Variants in CCDC7 observed in about 807,000 individuals in gnomAD.
CCDC7 encodes the protein coiled-coil domain-containing protein 7.
CCDC7 carries 183 observed loss-of-function variants against 196.9 expected under a neutral mutation model. The ratio of observed to expected loss-of-function variants is 0.93; its 90% confidence interval spans 0.82 to 1.05. CCDC7 has a LOEUF of 1.05. Ranked by LOEUF, CCDC7 falls within the 50% of genes least tolerant of loss-of-function variation. CCDC7 has a pLI of 0.00. For missense variants in CCDC7, 1,540 were observed against 1,482.2 expected (o/e 1.04, Z -0.64); for synonymous variants, 525 against 484.6 (o/e 1.08, Z -1.10).
chr10:32,877,888 T>C (rs10827150), downstream of CCDC7, among the ~76,000 whole-genome samples: 13,828 of 152,112 alleles, frequency 0.091, 736 homozygotes, highest in South Asian at 0.25. Context: ...GAGCTTATTG[T>C]TTGAAGAGGA....
intron 5 of CCDC7, among the ~76,000 whole-genome samples, chr10:32,467,567 G>C (rs2037103976): frequency 6.6e-6 from 1 of 151,884 alleles, no homozygotes; most frequent in African/African-American, 2.4e-5. Context: ...AGTTTTTTTT[G>C]CTGCACAGAA....
At chr10:32,706,213 A>T (rs925221641) in intron 24 of CCDC7, among the ~76,000 whole-genome samples, 1 of 152,150 alleles carries the variant, frequency 6.6e-6, no homozygotes, top group East Asian at 1.9e-4. Flanking sequence ...CTGCTCCTGA[A>T]TGACTACTGG....
chr10:32,580,826 A>G (rs1467884330), intron 16 of CCDC7, among the ~76,000 whole-genome samples: 1 of 151,848 alleles, frequency 6.6e-6, no homozygotes, highest in Non-Finnish European at 1.5e-5. Flanking sequence ...GGAGTTAAGG[A>G]AAGTTCCGGA....
At chr10:32,595,276 G>A (rs1024056973) in intron 18 of CCDC7, among the ~76,000 whole-genome samples, 1 of 152,084 alleles carries the variant, frequency 6.6e-6, no homozygotes, top group Non-Finnish European at 1.5e-5. Context: ...TTTAGTCTTG[G>A]GAGGGTATAT....
chr10:32,763,553 C>T (rs185215578), intron 28 of CCDC7, among the ~76,000 whole-genome samples: 206 of 152,034 alleles, frequency 1.4e-3, no homozygotes, highest in Non-Finnish European at 2.2e-3. Flanking sequence ...TAACAGTACT[C>T]ACAATAACCA....
chr10:32,493,038 A>G (rs574316092), intron 9 of CCDC7, among the ~76,000 whole-genome samples: 3 of 152,150 alleles, frequency 2.0e-5, no homozygotes, highest in South Asian at 4.1e-4. Context: ...AAATCAAGCT[A>G]TGTAACAGAC....
intron 20 of CCDC7, among the ~76,000 whole-genome samples, chr10:32,635,956 C>T (rs1383150182): frequency 1.3e-5 from 2 of 152,040 alleles, no homozygotes; most frequent in Admixed American, 6.5e-5. Flanking sequence ...TTTTACTCTT[C>T]TTTATGCCCT....
intron 11 of CCDC7, among the ~76,000 whole-genome samples, chr10:32,524,683 A>T (rs962005165): frequency 3.3e-5 from 5 of 152,136 alleles, no homozygotes; most frequent in African/African-American, 1.2e-4. Context: ...TTTCCTTCAG[A>T]TCATTAAATA....
At chr10:32,619,962 AC>A (rs2063221916) in intron 18 of CCDC7, among the ~76,000 whole-genome samples, 1 of 118,414 alleles carries the variant, frequency 8.4e-6, no homozygotes, top group Non-Finnish European at 1.6e-5. Context: ...TTGCCCTGTC[AC>A]CCAGACTGGA....
intron 33 of CCDC7, among the ~76,000 whole-genome samples, chr10:32,835,193 G>A (rs2092507487): frequency 6.6e-6 from 1 of 152,060 alleles, no homozygotes; most frequent in Admixed American, 6.6e-5. Flanking sequence ...TCAATGCTGA[G>A]TTCAGGTCCT....
chr10:32,875,110 G>T (rs2094560990), intron 41 of CCDC7, among the ~76,000 whole-genome samples: 1 of 151,854 alleles, frequency 6.6e-6, no homozygotes, highest in South Asian at 2.1e-4. Context: ...TGAAGTATTT[G>T]GCTTTATTTT....
At chr10:32,567,502 A>G (rs1253253326) in intron 14 of CCDC7, among the ~76,000 whole-genome samples, 168 bp from the exon 16 acceptor site, 1 of 152,184 alleles carries the variant, frequency 6.6e-6, no homozygotes, top group Non-Finnish European at 1.5e-5. Flanking sequence ...TAACTGTGGA[A>G]TTGTTAAAGT....
chr10:32,579,138 T>C (rs1383543959), intron 16 of CCDC7, among the ~76,000 whole-genome samples: 3 of 152,200 alleles, frequency 2.0e-5, no homozygotes, highest in African/African-American at 7.2e-5. Flanking sequence ...CAATTTATTC[T>C]ATAGCTTGTG....
chr10:32,724,329 T>C (rs779231689), intron 25 of CCDC7, among the ~76,000 whole-genome samples: 2 of 152,038 alleles, frequency 1.3e-5, no homozygotes, highest in African/African-American at 2.4e-5. Flanking sequence ...AGAAAGGCAG[T>C]GTATTTACTG....
chr10:32,544,921 A>G (rs2052164284), intron 13 of CCDC7, among the ~76,000 whole-genome samples: 1 of 152,112 alleles, frequency 6.6e-6, no homozygotes, highest in African/African-American at 2.4e-5. Flanking sequence ...TATTCAAAGG[A>G]TAAATACAAA....
intron 18 of CCDC7, among the ~76,000 whole-genome samples, chr10:32,632,143 G>A (rs200284817): frequency 6.9e-5 from 2 of 29,134 alleles, no homozygotes; most frequent in Non-Finnish European, 1.9e-4. Context: ...TTTTTTTGGG[G>A]GGGGGGGGGT....
At chr10:32,649,294 A>AT (rs1478278626) in intron 20 of CCDC7, among the ~76,000 whole-genome samples, 3 of 152,182 alleles carry the variant, frequency 2.0e-5, no homozygotes, top group African/African-American at 4.8e-5. Context: ...CATCCTGCAC[A>AT]TGTATCCCTG....
intron 5 of CCDC7, among the ~76,000 whole-genome samples, chr10:32,468,014 A>G (rs761691050): frequency 2.0e-5 from 3 of 152,140 alleles, no homozygotes; most frequent in Non-Finnish European, 2.9e-5. Context: ...GAAGTCGGGT[A>G]GTGTGATGCC....
At chr10:32,569,811 T>C (rs1052618160) in intron 15 of CCDC7, among the ~76,000 whole-genome samples, 3 of 152,206 alleles carry the variant, frequency 2.0e-5, no homozygotes, top group South Asian at 4.1e-4. Context: ...TTTTGTATTA[T>C]ACTTTAAGTT....
Sources: allele counts gnomAD v4.1 joint callset (sites outside exome capture counted in the v4.1 genomes callset), GRCh38; gene constraint gnomAD v4.1.1; transcripts MANE v1.5; gene names NCBI Gene and HGNC (gene_info 2026-07-23, HGNC 2026-07-21).